The following SNTG1 variants were observed in gnomAD, a reference collection of about 807,000 sequenced individuals.
SNTG1 encodes the protein syntrophin gamma 1, also known as gamma-1-syntrophin.
A neutral mutation model predicts 74.7 loss-of-function variants in SNTG1; 39 were observed. The ratio of observed to expected loss-of-function variants is 0.52; its 90% CI spans 0.40 to 0.68. The LOEUF is 0.68. Among genes scored for constraint, SNTG1 ranks in the 30% least tolerant of loss-of-function variants. SNTG1 has a pLI of 0.00. For synonymous variants in SNTG1, 254 were observed against 217.1 expected (o/e 1.17, Z -1.49); for missense variants, 685 against 609.5 (o/e 1.12, Z -1.30).
At chr8:50,323,979 C>T (rs2090632616) in intron 2 of SNTG1, among the ~76,000 whole-genome samples, 1 of 152,208 alleles carries the variant, frequency 6.6e-6, no homozygotes, top group Non-Finnish European at 1.5e-5. Flanking sequence ...GCTAGTGTCT[C>T]CTTAGGTAAC....
At chr8:50,474,644 T>C (rs1233431657) in intron 8 of SNTG1, among the ~76,000 whole-genome samples, 1 of 152,126 alleles carries the variant, frequency 6.6e-6, no homozygotes, top group Non-Finnish European at 1.5e-5. Flanking sequence ...GTAAACTAGT[T>C]CAAATGTTGT....
At chr8:49,969,753 G>A (rs1016263642) in intron 1 of SNTG1, among the ~76,000 whole-genome samples, 17 of 152,062 alleles carry the variant, frequency 1.1e-4, no homozygotes, top group African/African-American at 3.6e-4. Context: ...GGTGGGGTCA[G>A]GTTAAAGAAG....
chr8:50,650,786 C>T (rs556964450), intron 13 of SNTG1, among the ~76,000 whole-genome samples: 18 of 152,212 alleles, frequency 1.2e-4, no homozygotes, highest in Admixed American at 3.3e-4. Context: ...CTGCAACCTC[C>T]ACCTTCTGGG....
intron 13 of SNTG1, among the ~76,000 whole-genome samples, chr8:50,618,699 T>C (rs1005612847): frequency 6.6e-6 from 1 of 152,198 alleles, no homozygotes; most frequent in Non-Finnish European, 1.5e-5. Context: ...TTCAGTTTCT[T>C]GTAGCTGTAT....
intron 2 of SNTG1, among the ~76,000 whole-genome samples, chr8:50,235,768 GC>G (rs1375471682): frequency 6.6e-6 from 1 of 151,990 alleles, no homozygotes; most frequent in Non-Finnish European, 1.5e-5. Context: ...TTCCCTAAAT[GC>G]ATGGGAAGAC....
chr8:50,777,808 C>A (rs1012648538), intron 18 of SNTG1, among the ~76,000 whole-genome samples: 1 of 152,036 alleles, frequency 6.6e-6, no homozygotes, highest in Non-Finnish European at 1.5e-5. Context: ...CCCATTAACT[C>A]ATCATTTAGC....
chr8:50,567,168 G>A (rs958471705), intron 12 of SNTG1, among the ~76,000 whole-genome samples: 1 of 152,158 alleles, frequency 6.6e-6, no homozygotes, highest in African/African-American at 2.4e-5. Context: ...AAGCAGCTAT[G>A]ATCTTTGCCA....
chr8:50,787,802 T>C (rs1353013697), intron 18 of SNTG1, among the ~76,000 whole-genome samples: 1 of 151,862 alleles, frequency 6.6e-6, no homozygotes, highest in African/African-American at 2.4e-5. Flanking sequence ...AGCAAACCCA[T>C]AGAAAGACAA....
chr8:50,322,251 T>C (rs1156296625), intron 2 of SNTG1, among the ~76,000 whole-genome samples: 2 of 152,194 alleles, frequency 1.3e-5, no homozygotes, highest in African/African-American at 4.8e-5. Context: ...GCTTGAAAGA[T>C]ATTTTCACTG....
intron 2 of SNTG1, among the ~76,000 whole-genome samples, chr8:50,266,994 A>G (rs1293537603): frequency 2.6e-5 from 4 of 151,310 alleles, no homozygotes; most frequent in South Asian, 4.2e-4. Context: ...TATTTAAGAC[A>G]CCCTTTTTTT....
At chr8:50,499,712 T>C (rs2093935010) in intron 8 of SNTG1, among the ~76,000 whole-genome samples, 1 of 151,936 alleles carries the variant, frequency 6.6e-6, no homozygotes, top group African/African-American at 2.4e-5. Flanking sequence ...AGTTCCGTTC[T>C]ACCATTACTT....
chr8:50,005,297 T>A (rs1020892403), intron 1 of SNTG1, among the ~76,000 whole-genome samples: 1 of 152,026 alleles, frequency 6.6e-6, no homozygotes, highest in Non-Finnish European at 1.5e-5. Flanking sequence ...TTTTTCAAAA[T>A]GCAGGAATTT....
At chr8:50,270,549 T>G (rs749490652) in intron 2 of SNTG1, among the ~76,000 whole-genome samples, 2 of 150,902 alleles carry the variant, frequency 1.3e-5, no homozygotes, top group Admixed American at 6.6e-5. Context: ...GTCAGAGGAA[T>G]TGAGATCTGC....
At chr8:50,198,848 TA>T (rs2083877705) in intron 2 of SNTG1, among the ~76,000 whole-genome samples, 1 of 152,146 alleles carries the variant, frequency 6.6e-6, no homozygotes, top group Admixed American at 6.5e-5. Flanking sequence ...TTTCGTAGAG[TA>T]TCAACAGTAT....
chr8:50,062,131 C>T (rs1360984989), intron 1 of SNTG1, among the ~76,000 whole-genome samples: 1 of 152,270 alleles, frequency 6.6e-6, no homozygotes, highest in East Asian at 1.9e-4. Context: ...GCAACCTGCA[C>T]TTCCTGGGTT....
chr8:50,259,551 A>T (rs1416850676), intron 2 of SNTG1, among the ~76,000 whole-genome samples: 1 of 141,744 alleles, frequency 7.1e-6, no homozygotes, highest in Non-Finnish European at 1.6e-5. Context: ...AAAGAAAGAA[A>T]GAAAGAAAGA....
intron 2 of SNTG1, among the ~76,000 whole-genome samples, chr8:50,355,772 T>C (rs2091800567): frequency 6.6e-6 from 1 of 152,198 alleles, no homozygotes; most frequent in Non-Finnish European, 1.5e-5. Flanking sequence ...GAGGATTTCA[T>C]TTTAAGACAA....
chr8:50,028,716 T>A (rs1378509214), intron 1 of SNTG1, among the ~76,000 whole-genome samples: 1 of 152,128 alleles, frequency 6.6e-6, no homozygotes, highest in East Asian at 1.9e-4. Context: ...ATTGTGCACA[T>A]GTACCCTAAA....
chr8:50,217,502 T>TTAAG (rs2084850719), intron 2 of SNTG1, among the ~76,000 whole-genome samples: 1 of 152,134 alleles, frequency 6.6e-6, no homozygotes, highest in African/African-American at 2.4e-5. Context: ...TGTTCTTACC[T>TTAAG]TAAGTCTGTA....
Sources: gnomAD v4.1 joint callset for allele counts (sites outside exome capture counted in the v4.1 genomes callset) on GRCh38, gnomAD v4.1.1 for gene constraint, MANE v1.5 for transcripts, NCBI Gene and HGNC (gene_info 2026-07-23, HGNC 2026-07-21) for gene names.